PROX1: variants seen among roughly 807,000 people sequenced by gnomAD.
PROX1 encodes the protein prospero homeobox 1, also known as prospero homeobox protein 1.
A neutral mutation model predicts 58.8 loss-of-function variants in PROX1; 7 were observed. The ratio of observed to expected loss-of-function variants is 0.12; its 90% CI spans 0.07 to 0.22. PROX1 has a LOEUF of 0.22. PROX1 is among the 10% of genes least tolerant of loss of function. The pLI, the probability that PROX1 is intolerant of heterozygous loss-of-function variation, is 1.00. For missense variants in PROX1, 675 were observed against 927.8 expected (o/e 0.73, Z 3.54); for synonymous variants, 350 against 358.3 (o/e 0.98, Z 0.26).
At chr1:214,032,480 C>T (rs1025866904) in intron 4 of PROX1, among the ~76,000 whole-genome samples, 7 of 152,032 alleles carry the variant, frequency 4.6e-5, no homozygotes, top group South Asian at 4.1e-4. Flanking sequence ...CTGCAACCTC[C>T]GCCACCTGGG....
Position 214,039,743 on chromosome 1 carries a change from T to C in PROX1, c.*3909T>C, listed in dbSNP as rs897667812. 2 of 152,196 alleles carry C rather than the reference T, an allele frequency of 1.3e-5. No individual in the cohort carries two copies. Among genetic ancestry groups the C allele is most frequent in the Admixed American group, 6.5e-5 (1 of 15,276 alleles). 9.4% of individuals were successfully genotyped at this position (152,196 alleles called of 1,614,324 possible). On this transcript the variant is annotated 3_prime_UTR_variant, in exon 5 of 5. Transcript: ENST00000366958. ...TAAATTTATGAAATTTCTTTTTCTA[T>C]GTACATGAAGACATTTAGTAAGTAA...
chr1:213,993,900 A>AG (rs1210529303), intron 1 of PROX1, among the ~76,000 whole-genome samples: 1 of 152,246 alleles, frequency 6.6e-6, no homozygotes, highest in Non-Finnish European at 1.5e-5. Context: ...TAATCTAAAA[A>AG]TGTTGACTGA....
chr1:213,988,893 C>A (rs1272086577), intron 1 of PROX1, among the ~76,000 whole-genome samples: 1 of 151,966 alleles, frequency 6.6e-6, no homozygotes, highest in East Asian at 1.9e-4. Flanking sequence ...CTTTCTCCTG[C>A]TCTCTCTTCT....
At chr1:214,024,476 C>A (rs1263686278) in intron 4 of PROX1, among the ~76,000 whole-genome samples, 5 of 152,130 alleles carry the variant, frequency 3.3e-5, no homozygotes, top group Non-Finnish European at 1.5e-5. Flanking sequence ...GCCAGCATCC[C>A]CCATGAACTT....
chr1:214,033,764 G>A (rs945547633), intron 4 of PROX1, among the ~76,000 whole-genome samples: 2 of 152,152 alleles, frequency 1.3e-5, no homozygotes, highest in African/African-American at 4.8e-5. Flanking sequence ...TATCTTTGGG[G>A]GTGGAGGTGA....
At chr1:214,028,866 A>G (rs1303220997) in intron 4 of PROX1, 2 of 152,280 alleles carry the variant, frequency 1.3e-5, no homozygotes, top group African/African-American at 4.8e-5. Context: ...TCTTGTGACC[A>G]TATTTTACAG....
rs67866176 is a variant in PROX1, at chr1:214,020,030, C to CT, written c.2028+8322dup. Among the ~76,000 whole-genome samples, 8 of 152,208 alleles carry CT rather than the reference C, an allele frequency of 5.3e-5. No individual in the cohort carries two copies. The South Asian group carries it at 1.0e-3, about 20-fold the overall frequency. ...TCCCCACTCCTGACCACCTTTCCTA[C>CT]TTTTTTTCCCCCAAATGAATAGTGA... On this transcript the variant is annotated intron_variant, in intron 4 of 4. Transcript: ENST00000366958.
At position 214,041,213 on chromosome 1, in the gene PROX1, T is replaced by C. The variant is rs1373725194; in HGVS notation, c.*5379T>C. On this transcript the variant is annotated 3_prime_UTR_variant, in exon 5 of 5. Transcript: ENST00000366958. The stretch of plus-strand genomic sequence containing the variant: ...TTAAACTGAATGTATGTGCAGTATA[T>C]ATGCAAGCTTGTGCAAAATAAAATA... 1.3e-5 allele frequency: 2 copies of C among 152,178 alleles called. No homozygotes were observed. Among genetic ancestry groups the C allele is most frequent in the African/African-American group, 2.4e-5 (1 of 41,460 alleles). The allele number at this position is 152,178 out of a possible 1,614,324, so 9.4% of individuals were successfully genotyped here.
At chr1:214,014,423 G>C (rs1000884483) in intron 4 of PROX1, among the ~76,000 whole-genome samples, 1 of 152,212 alleles carries the variant, frequency 6.6e-6, no homozygotes, top group Non-Finnish European at 1.5e-5. Flanking sequence ...AGATCCAGTC[G>C]ATTCCAAGGA....
At chr1:213,993,217 G>T (rs983338329) in intron 1 of PROX1, among the ~76,000 whole-genome samples, 3 of 152,110 alleles carry the variant, frequency 2.0e-5, no homozygotes, top group African/African-American at 7.2e-5. Context: ...AAGTGTATCC[G>T]ATCAATAATA....
rs1261899313 is a variant in PROX1, at chr1:214,029,308, T to C, written c.2029-6341T>C. On this transcript the variant is annotated intron_variant, in intron 4 of 4. Transcript: ENST00000366958. ...AGTCATCTAGAAAAATACCTCGCTA[T>C]GTATGATTGGTACATCATTATACCG... The C allele has an allele frequency of 2.6e-5, 4 of 152,234 alleles. No homozygotes were observed. In the East Asian group the frequency reaches 7.7e-4, roughly 29 times the overall value. The allele number at this position is 152,234 out of a possible 1,614,324, so 9.4% of individuals were successfully genotyped here.
chr1:213,997,332 C>T lies in PROX1; in HGVS notation c.797C>T (p.Ser266Leu), dbSNP rs1445422874. The change falls in exon 2 of 5, where the codon TCG (serine) becomes TTG (leucine). Residue 266 changes from serine to leucine, a missense_variant. Transcript: ENST00000366958. The surrounding 1 kb of genome is among the most constrained non-coding windows in gnomAD (Gnocchi z 7.1). ...KFYQIYDSTD[S>L]ENDEDGNLSE... The stretch of plus-strand genomic sequence containing the variant: ...TACCAAATCTATGACAGCACTGATT[C>T]GGAAAATGATGAAGATGGTAACCTG... 6.2e-7 allele frequency: 1 copy of T among 1,614,034 alleles called. No individual in the cohort carries two copies. Among genetic ancestry groups the T allele is most frequent in the Admixed American group, 1.7e-5 (1 of 59,996 alleles).
At chr1:213,990,080 G>A (rs1662969075) in intron 1 of PROX1, among the ~76,000 whole-genome samples, 1 of 145,490 alleles carries the variant, frequency 6.9e-6, no homozygotes, top group Non-Finnish European at 1.5e-5. Flanking sequence ...GCAAAGTCAA[G>A]GCTAGAAGAC....
At position 213,997,605 on chromosome 1, in the gene PROX1, A is replaced by G; in HGVS notation, c.1070A>G (p.Asn357Ser). ...GCTGAGACCTTGAAACAGGAACTGA[A>G]CACTGCCATGTCGCAAGTTGTGGAC... ...HLAETLKQEL[N>S]TAMSQVVDTV... Residue 357 changes from asparagine (N) to serine (S), a missense_variant, in exon 2 of 5, where the codon AAC (asparagine) becomes AGC (serine). By Grantham distance (46) the Asn-to-Ser change is conservative (BLOSUM62 1). Coordinates refer to ENST00000366958, the MANE Select transcript of PROX1 (RefSeq NM_001270616.2). This position sits in a 1 kb window ranked among gnomAD's most constrained non-coding sequence, Gnocchi z 7.1. 6.2e-7 allele frequency: 1 copy of G among 1,614,186 alleles called. No homozygotes were observed.
Position 214,035,782 on chromosome 1 carries a change from T to C in PROX1, c.2162T>C (p.Val721Ala). 1 of 1,613,862 alleles carries C rather than the reference T, an allele frequency of 6.2e-7. No homozygotes were observed. The highest frequency in any genetic ancestry group is 8.5e-7 in the Non-Finnish European group (1 of 1,179,854). The change falls in exon 5 of 5, where the codon GTC becomes GCC. Residue 721 changes from valine (V) to alanine (A), a missense_variant. Physicochemically the swap from Val to Ala is moderately conservative, Grantham distance 64 (BLOSUM62 0). This residue lies in a region of PROX1 where 16 missense variants were observed against 21.0 expected (regional missense o/e 0.76). Transcript: ENST00000366958. Reference sequence around the variant, plus strand: ...GTCATCTGCAAGCTGGATAGTGAAGTCCCTGAGATTTTCAAATCCCCGAAC... The same window carrying C: ...GTCATCTGCAAGCTGGATAGTGAAGCCCCTGAGATTTTCAAATCCCCGAAC... ...YKVICKLDSE[V>A]PEIFKSPNCL...
chr1:213,998,318 T>A, intron 2 of PROX1, 58 bp downstream of exon 2: 3 of 1,506,754 alleles, frequency 2.0e-6, no homozygotes, highest in Non-Finnish European at 1.8e-6. Context: ...TCCCAAAAGG[T>A]TGGGTTTACA....
chr1:214,020,682 A>T (rs771759887), intron 4 of PROX1, among the ~76,000 whole-genome samples: 1 of 152,232 alleles, frequency 6.6e-6, no homozygotes. Flanking sequence ...CTGTGTTAGC[A>T]TATTATGAGC....
intron 1 of PROX1, among the ~76,000 whole-genome samples, chr1:213,995,416 G>C (rs1663224085): frequency 6.6e-6 from 1 of 151,426 alleles, no homozygotes; most frequent in Non-Finnish European, 1.5e-5. Flanking sequence ...CACATTTGAT[G>C]GACATTATTT....
At chr1:214,035,628 A>T in intron 4 of PROX1, 21 bp from the exon 5 acceptor site, 1 of 1,591,836 alleles carries the variant, frequency 6.3e-7, no homozygotes, top group East Asian at 2.3e-5. Context: ...TATTAATGCC[A>T]TTGTCTCCTT....
Sources: allele counts gnomAD v4.1 joint callset (sites outside exome capture counted in the v4.1 genomes callset), GRCh38; gene constraint gnomAD v4.1.1; regional missense constraint gnomAD v4.1.1; non-coding constraint Gnocchi (gnomAD v3.1); transcripts MANE v1.5; gene names NCBI Gene and HGNC (gene_info 2026-07-23, HGNC 2026-07-21).